VAV2: variants seen among roughly 807,000 people sequenced by gnomAD.
The protein encoded by VAV2 is vav guanine nucleotide exchange factor 2.
Under a neutral mutation model 132.5 loss-of-function variants are expected in VAV2, and 67 were observed. The observed-to-expected ratio is 0.51, with a 90% CI of 0.42 to 0.62. The LOEUF is 0.62. Among genes scored for constraint, VAV2 ranks in the 20% least tolerant of loss-of-function variants. The probability of loss-of-function intolerance (pLI) is 0.00; values close to 1 mark genes in which losing one functional copy is unlikely to be tolerated. For synonymous variants in VAV2, 492 were observed against 443.5 expected (o/e 1.11, Z -1.37); for missense variants, 938 against 1,153.6 (o/e 0.81, Z 2.71).
chr9:133,889,485 CT>C (rs1564438814), intron 2 of VAV2, among the ~76,000 whole-genome samples: 2 of 152,158 alleles, frequency 1.3e-5, no homozygotes, highest in African/African-American at 4.8e-5. Flanking sequence ...CCTGAGACCC[CT>C]GGAAAGACTA....
At chr9:133,939,016 G>C in intron 2 of VAV2, 87 bp downstream of exon 2, 2 of 1,238,388 alleles carry the variant, frequency 1.6e-6, no homozygotes, top group Non-Finnish European at 2.4e-6. Flanking sequence ...CAATCAGGCT[G>C]CTCCATGGAT....
At chr9:133,765,299 C>G (rs1247667462) in intron 29 of VAV2, among the ~76,000 whole-genome samples, 2 of 152,198 alleles carry the variant, frequency 1.3e-5, no homozygotes, top group Non-Finnish European at 2.9e-5. Context: ...TCAACAGTAA[C>G]TTCACAGTAG....
intron 1 of VAV2, among the ~76,000 whole-genome samples, chr9:133,978,113 A>ACGGTGTT (rs1842574325): frequency 6.6e-6 from 1 of 152,242 alleles, no homozygotes; most frequent in Non-Finnish European, 1.5e-5. Context: ...GGGGAGGCAC[A>ACGGTGTT]CGGTGTTCGA....
At chr9:133,771,556 G>A (rs1833625857) in intron 26 of VAV2, among the ~76,000 whole-genome samples, 1 of 152,222 alleles carries the variant, frequency 6.6e-6, no homozygotes, top group African/African-American at 2.4e-5. Flanking sequence ...CAGAGGGTGG[G>A]GGTGAGTCGG....
chr9:133,970,032 C>T (rs1485277719), intron 1 of VAV2, among the ~76,000 whole-genome samples: 3 of 152,106 alleles, frequency 2.0e-5, no homozygotes, highest in African/African-American at 7.2e-5. Flanking sequence ...TGGTCTGCAC[C>T]CCCTGGCCTC....
chr9:133,968,510 G>T (rs1211027966), intron 1 of VAV2, among the ~76,000 whole-genome samples: 2 of 152,160 alleles, frequency 1.3e-5, no homozygotes, highest in Non-Finnish European at 2.9e-5. Context: ...ACATGAAGAG[G>T]AAGAGAAACG....
At position 133,885,545 on chromosome 9, in the gene VAV2, A is replaced by G. The variant is rs1838670286; in HGVS notation, c.322-24113T>C. On this transcript the variant is annotated intron_variant, in intron 2 of 29. Transcript: ENST00000371850. This position sits in a 1 kb window ranked among gnomAD's most constrained non-coding sequence, Gnocchi z 5.0. ...AATGGTGCACCGCCAGGAGCGTGCA[A>G]TGCCATTCAGATTTTACACAAGCAA... 6.6e-6 allele frequency among the ~76,000 whole-genome samples: 1 copy of G among 152,166 alleles called. No homozygotes were observed. Among genetic ancestry groups the G allele is most frequent in the Non-Finnish European group, 1.5e-5 (1 of 68,030 alleles).
At chr9:133,772,089 C>T (rs765599332) in intron 25 of VAV2, 43 bp from the exon 26 acceptor site, 3 of 1,559,444 alleles carry the variant, frequency 1.9e-6, no homozygotes, top group Non-Finnish European at 2.7e-6. Context: ...GTGAGGGCCA[C>T]ACGGCCCCGG....
chr9:133,980,194 G>A (rs1842649409), intron 1 of VAV2, among the ~76,000 whole-genome samples: 1 of 152,204 alleles, frequency 6.6e-6, no homozygotes, highest in Non-Finnish European at 1.5e-5. Context: ...ACCAACCCAA[G>A]GGGCCATTTT....
intron 2 of VAV2, among the ~76,000 whole-genome samples, chr9:133,909,029 G>A (rs111886975): frequency 1.5e-3 from 234 of 152,320 alleles, no homozygotes; most frequent in Middle Eastern, 6.8e-3. Context: ...TAAGAACATC[G>A]AACTCAAAAA....
At chr9:133,962,318 C>T (rs1841991993) in intron 1 of VAV2, among the ~76,000 whole-genome samples, 1 of 152,180 alleles carries the variant, frequency 6.6e-6, no homozygotes, top group South Asian at 2.1e-4. Context: ...GAGCTCCACA[C>T]TCAAGTTGGC....
At chr9:133,920,676 G>C (rs929749217) in intron 2 of VAV2, among the ~76,000 whole-genome samples, 1 of 152,018 alleles carries the variant, frequency 6.6e-6, no homozygotes, top group Non-Finnish European at 1.5e-5. Flanking sequence ...GTCACACAGA[G>C]GAGGCTTGGC....
rs1463963885 is a variant in VAV2, at chr9:133,802,031, C to A, written c.836+4050G>T. On this transcript the variant is annotated intron_variant, in intron 9 of 29. Transcript: ENST00000371850. The surrounding 1 kb of genome is among the most constrained non-coding windows in gnomAD (Gnocchi z 5.8). ...CAGGTCACTCACACAGACGCCTTCA[C>A]CCTCCGTCCACACCACAGGACTCTG... Among the ~76,000 whole-genome samples the A allele has an allele frequency of 6.6e-6, 1 of 152,042 alleles. No homozygotes were observed. Among genetic ancestry groups the A allele is most frequent in the Admixed American group, 6.6e-5 (1 of 15,258 alleles).
intron 1 of VAV2, among the ~76,000 whole-genome samples, chr9:133,968,525 C>T (rs550878582): frequency 6.6e-6 from 1 of 152,274 alleles, no homozygotes; most frequent in East Asian, 1.9e-4. Flanking sequence ...GAAACGCGCT[C>T]GGGGCCAGTC....
chr9:133,796,694 GA>G (rs990388673), intron 10 of VAV2, among the ~76,000 whole-genome samples, 170 bp from the exon 11 acceptor site: 15 of 151,588 alleles, frequency 9.9e-5, no homozygotes, highest in Non-Finnish European at 1.9e-4. Flanking sequence ...GGTGTGTGCA[GA>G]GGGGGGGGCT....
chr9:133,971,443 C>G (rs1029096197), intron 1 of VAV2, among the ~76,000 whole-genome samples: 3 of 152,166 alleles, frequency 2.0e-5, no homozygotes, highest in Admixed American at 1.3e-4. Flanking sequence ...CCTGGCCAGG[C>G]CCACGGCCCA....
chr9:133,989,799 G>A (rs1301020216), intron 1 of VAV2, among the ~76,000 whole-genome samples: 1 of 152,228 alleles, frequency 6.6e-6, no homozygotes, highest in African/African-American at 2.4e-5. Context: ...GTTTCTCCAC[G>A]TTGAATGAAC....
rs866980975 is a variant in VAV2, at chr9:133,874,298, C to A, written c.322-12866G>T. On this transcript the variant is annotated intron_variant, in intron 2 of 29. Coordinates refer to ENST00000371850, the MANE Select transcript of VAV2 (RefSeq NM_001134398.2). The stretch of plus-strand genomic sequence containing the variant: ...TGTCTGCGAATGCTGCTCTCTCATT[C>A]CCAGAGACACTCCCCAGCCCCTCCT... Among the ~76,000 whole-genome samples the A allele has an allele frequency of 3.3e-5, 5 of 152,368 alleles. No individual in the cohort carries two copies. The South Asian group carries it at 1.0e-3, about 32-fold the overall frequency.
At position 133,863,171 on chromosome 9, in the gene VAV2, T is replaced by C. The variant is rs1837664170; in HGVS notation, c.322-1739A>G. Among the ~76,000 whole-genome samples the C allele has an allele frequency of 6.6e-6, 1 of 152,178 alleles. No homozygotes were observed. The highest frequency in any genetic ancestry group is 2.4e-5 in the African/African-American group (1 of 41,438). On this transcript the variant is annotated intron_variant, in intron 2 of 29. Transcript: ENST00000371850. This position sits in a 1 kb window ranked among gnomAD's most constrained non-coding sequence, Gnocchi z 5.0. ...AGGGAAAACAAAAATGAAAGCAATATTGCTGTACGTCCTTACAGTTATTTG... is the reference window on the plus strand; with the variant it reads ...AGGGAAAACAAAAATGAAAGCAATACTGCTGTACGTCCTTACAGTTATTTG...
Sources: gnomAD v4.1 joint callset for allele counts (sites outside exome capture counted in the v4.1 genomes callset) on GRCh38, gnomAD v4.1.1 for gene constraint, Gnocchi (gnomAD v3.1) non-coding constraint, MANE v1.5 for transcripts, NCBI Gene and HGNC (gene_info 2026-07-23, HGNC 2026-07-21) for gene names.